Variants in PLCB1 observed in about 807,000 individuals in gnomAD.
PLCB1 encodes the protein 1-phosphatidylinositol 4,5-bisphosphate phosphodiesterase beta-1.
In PLCB1, 46 loss-of-function variants were observed where a neutral mutation model predicts 161.8. The ratio of observed to expected loss-of-function variants is 0.28; its 90% CI spans 0.22 to 0.36. The LOEUF (loss-of-function observed/expected upper bound fraction) is 0.36, where lower values mean the gene tolerates loss of function less well. PLCB1 is among the 10% of genes least tolerant of loss of function. PLCB1 has a pLI of 1.00. For missense variants in PLCB1, 1,016 were observed against 1,472.5 expected (o/e 0.69, Z 5.07); for synonymous variants, 517 against 503.7 (o/e 1.03, Z -0.35).
intron 31 of PLCB1, among the ~76,000 whole-genome samples, chr20:8,796,091 T>A (rs992530691): frequency 4.6e-5 from 7 of 152,214 alleles, no homozygotes; most frequent in African/African-American, 1.4e-4. Flanking sequence ...GCTTAATTTG[T>A]CTTTGATGCT....
chr20:8,592,762 C>T (rs1987188483), intron 3 of PLCB1, among the ~76,000 whole-genome samples: 1 of 152,146 alleles, frequency 6.6e-6, no homozygotes, highest in Non-Finnish European at 1.5e-5. Context: ...ATTCAGGATG[C>T]TCAATTTGTA....
At chr20:8,828,875 C>T (rs1420528223) in intron 31 of PLCB1, among the ~76,000 whole-genome samples, 5 of 152,138 alleles carry the variant, frequency 3.3e-5, no homozygotes, top group African/African-American at 1.2e-4. Context: ...AATTCCTAGG[C>T]CCAGTGGAAT....
intron 3 of PLCB1, among the ~76,000 whole-genome samples, chr20:8,378,379 T>A (rs1375489573): frequency 6.6e-6 from 1 of 152,208 alleles, no homozygotes; most frequent in East Asian, 1.9e-4. Context: ...GTAATACACA[T>A]TTTTTGGTTT....
In PLCB1 at chr20:8,756,902, C is replaced by G. The variant is rs958767938; in HGVS notation, c.2524-144C>G. The stretch of plus-strand genomic sequence containing the variant: ...TGGCTCAACACTATGCTGTTTTAAC[C>G]CTGCTTTCCAGGGAGTATCAAATTT... On this transcript the variant is annotated intron_variant, in intron 23 of 31. Coordinates refer to ENST00000338037, the MANE Select transcript of PLCB1 (RefSeq NM_015192.4). 23 of 770,368 alleles carry G rather than the reference C, an allele frequency of 3.0e-5. 1 individual carries two copies. Among genetic ancestry groups the G allele is most frequent in the Middle Eastern group, 3.7e-4 (1 of 2,690 alleles). 47.7% of individuals were successfully genotyped at this position (770,368 alleles called of 1,614,324 possible). A position where few individuals can be genotyped will look rare whatever the true frequency, so the allele number is the denominator to read the frequency against.
intron 2 of PLCB1, among the ~76,000 whole-genome samples, chr20:8,189,320 T>C (rs1055494201): frequency 1.4e-5 from 2 of 140,238 alleles, no homozygotes; most frequent in Non-Finnish European, 3.0e-5. Flanking sequence ...ATAGTAACTA[T>C]TTTAATATAT....
intron 9 of PLCB1, among the ~76,000 whole-genome samples, chr20:8,678,861 A>G (rs532685868): frequency 1.3e-5 from 2 of 152,316 alleles, no homozygotes; most frequent in East Asian, 3.9e-4. Context: ...TACATCCCCA[A>G]GAAGGTTCCT....
chr20:8,588,421 T>C (rs563804982), intron 3 of PLCB1, among the ~76,000 whole-genome samples: 42 of 152,150 alleles, frequency 2.8e-4, no homozygotes, highest in Non-Finnish European at 5.6e-4. Flanking sequence ...AGGAACTAAA[T>C]TGTGCTCACC....
chr20:8,608,741 A>C (rs1987824759), intron 3 of PLCB1, among the ~76,000 whole-genome samples: 1 of 152,348 alleles, frequency 6.6e-6, no homozygotes, highest in Non-Finnish European at 1.5e-5. Flanking sequence ...ACATTTTCTG[A>C]ATAAATAAAT....
chr20:8,537,955 G>C (rs1023501652), intron 3 of PLCB1, among the ~76,000 whole-genome samples: 1 of 152,196 alleles, frequency 6.6e-6, no homozygotes, highest in South Asian at 2.1e-4. Context: ...TAGACTGCTT[G>C]ATAGAACAAC....
chr20:8,874,181 C>T (rs1987698472), intron 31 of PLCB1, among the ~76,000 whole-genome samples: 1 of 151,398 alleles, frequency 6.6e-6, no homozygotes, highest in Admixed American at 6.6e-5. Flanking sequence ...TACATAAATA[C>T]ATACAATTTT....
intron 2 of PLCB1, among the ~76,000 whole-genome samples, chr20:8,289,245 C>G (rs900115468): frequency 6.6e-6 from 1 of 152,204 alleles, no homozygotes; most frequent in African/African-American, 2.4e-5. Flanking sequence ...CTGTCTAACA[C>G]TGCTTTAAAC....
intron 31 of PLCB1, among the ~76,000 whole-genome samples, chr20:8,840,455 G>A (rs1986458425): frequency 1.3e-5 from 2 of 152,292 alleles, no homozygotes; most frequent in South Asian, 4.1e-4. Flanking sequence ...CTACACAGTA[G>A]CAAGAACATG....
At chr20:8,802,720 G>T (rs1308338750) in intron 31 of PLCB1, among the ~76,000 whole-genome samples, 2 of 152,138 alleles carry the variant, frequency 1.3e-5, no homozygotes, top group Non-Finnish European at 2.9e-5. Flanking sequence ...GACAGCTTGT[G>T]ATTTCCTGAT....
At chr20:8,495,064 A>G (rs1021909217) in intron 3 of PLCB1, among the ~76,000 whole-genome samples, 5 of 152,066 alleles carry the variant, frequency 3.3e-5, no homozygotes, top group Non-Finnish European at 7.4e-5. Context: ...TATGAAAAAA[A>G]AAAACCTTAT....
At chr20:8,398,681 C>T (rs916325583) in intron 3 of PLCB1, among the ~76,000 whole-genome samples, 1 of 152,162 alleles carries the variant, frequency 6.6e-6, no homozygotes, top group Non-Finnish European at 1.5e-5. Context: ...CGCCCTATCA[C>T]GTTGGGGTTT....
intron 7 of PLCB1, 67 bp downstream of exon 7, chr20:8,649,516 C>T: frequency 9.1e-7 from 1 of 1,104,464 alleles, no homozygotes; most frequent in East Asian, 2.3e-5. Context: ...GAAACTTAAT[C>T]CCCAATATGA....
chr20:8,360,744 ATCT>A (rs978055686), intron 2 of PLCB1, among the ~76,000 whole-genome samples: 22 of 152,304 alleles, frequency 1.4e-4, no homozygotes, highest in African/African-American at 2.6e-4. Flanking sequence ...TAAGAAGCAA[ATCT>A]TCTTTGAAAG....
At position 8,774,571 on chromosome 20, in the gene PLCB1, C is replaced by T; in HGVS notation, c.2963C>T (p.Ser988Leu). 3 of 1,613,454 alleles carry T rather than the reference C, an allele frequency of 1.9e-6. No homozygotes were observed. The highest frequency in any genetic ancestry group is 2.5e-6 in the Non-Finnish European group (3 of 1,179,554). Residue 988 changes from serine to leucine, a missense_variant, in exon 27 of 32, where the codon TCA becomes TTA. Physicochemically the swap from Ser to Leu is moderately radical, Grantham distance 145. Around this residue, in one of 10 missense-constraint regions of PLCB1, gnomAD observed 398 missense variants for 445.4 expected, o/e 0.89. Coordinates refer to ENST00000338037, the MANE Select transcript of PLCB1 (RefSeq NM_015192.4). Reference protein sequence around the residue: ...SEPSSPDHGSSTIEQDLAALD... With the variant: ...SEPSSPDHGSLTIEQDLAALD... ...CCCAGCAGCCCTGATCATGGTTCAT[C>T]AACGATTGAGCAAGACCTCGCTGCT...
intron 2 of PLCB1, among the ~76,000 whole-genome samples, chr20:8,349,528 T>C (rs1986111585): frequency 6.6e-6 from 1 of 152,234 alleles, no homozygotes; most frequent in African/African-American, 2.4e-5. Context: ...TGCAGTTCTG[T>C]GGTCAAAGGA....
Sources: allele counts gnomAD v4.1 joint callset (sites outside exome capture counted in the v4.1 genomes callset), GRCh38; gene constraint gnomAD v4.1.1; regional missense constraint gnomAD v4.1.1; transcripts MANE v1.5; gene names NCBI Gene and HGNC (gene_info 2026-07-23, HGNC 2026-07-21).